CD163L1: variants seen among roughly 807,000 people sequenced by gnomAD.
The protein encoded by CD163L1 is scavenger receptor cysteine-rich type 1 protein M160.
CD163L1 carries 124 observed loss-of-function variants against 165.4 expected under a neutral mutation model. The ratio of observed to expected loss-of-function variants is 0.75; its 90% CI spans 0.65 to 0.87. The LOEUF (loss-of-function observed/expected upper bound fraction) is 0.87, where lower values mean the gene tolerates loss of function less well. CD163L1 is among the 40% of genes least tolerant of loss of function. The probability of loss-of-function intolerance (pLI) is 0.00; values close to 1 mark genes in which losing one functional copy is unlikely to be tolerated. For missense variants in CD163L1, 1,525 were observed against 1,799.9 expected (o/e 0.85, Z 2.76); for synonymous variants, 585 against 662.2 (o/e 0.88, Z 1.79).
chr12:7,331,531 C>A, the CD163L1 span, among the ~76,000 whole-genome samples: 1 of 152,236 alleles, frequency 6.6e-6, no homozygotes, highest in East Asian at 1.9e-4. Context: ...GGAGGCACCC[C>A]CCAGTAGGGG....
intron 2 of CD163L1, chr12:7,439,511 T>C: frequency 6.3e-7 from 1 of 1,581,482 alleles, no homozygotes; most frequent in Non-Finnish European, 8.5e-7. Context: ...TTCTCCTCTC[T>C]CTGCCTTAAT....
At chr12:7,324,882 A>G in the CD163L1 span, among the ~76,000 whole-genome samples, 1 of 151,924 alleles carries the variant, frequency 6.6e-6, no homozygotes, top group Non-Finnish European at 1.5e-5. Flanking sequence ...GTACTTAAGT[A>G]CAGCCACATC....
At chr12:7,365,649 A>T (rs1947000678) in intron 18 of CD163L1, among the ~76,000 whole-genome samples, 1 of 152,188 alleles carries the variant, frequency 6.6e-6, no homozygotes, top group Non-Finnish European at 1.5e-5. Flanking sequence ...AATGGCCAAT[A>T]TGTAAATAAA....
the CD163L1 span, among the ~76,000 whole-genome samples, chr12:7,337,822 T>C: frequency 6.6e-5 from 10 of 152,196 alleles, no homozygotes; most frequent in African/African-American, 9.7e-5. Context: ...ATTGGGTGTA[T>C]ACCCAAAGGA....
At chr12:7,436,606 T>C (rs1363928163) in intron 2 of CD163L1, among the ~76,000 whole-genome samples, 3 of 152,026 alleles carry the variant, frequency 2.0e-5, no homozygotes, top group African/African-American at 7.3e-5. Context: ...ACCCTACCTG[T>C]AAAAAATTTT....
intron 8 of CD163L1, among the ~76,000 whole-genome samples, chr12:7,393,355 T>A (rs1235873602): frequency 2.0e-5 from 3 of 152,132 alleles, no homozygotes; most frequent in Non-Finnish European, 4.4e-5. Flanking sequence ...AGAAAAGGCC[T>A]TAGACAAAAT....
chr12:7,374,755 C>T lies in CD163L1; in HGVS notation c.3096G>A (p.Glu1032=), dbSNP rs761412090. The T allele has an allele frequency of 6.2e-7, 1 of 1,613,514 alleles. No homozygotes were observed. The highest frequency in any genetic ancestry group is 1.1e-5 in the South Asian group (1 of 91,006). Residue 1032 remains glutamate, a splice_region_variant and synonymous_variant, in exon 13 of 20, where the codon GAG becomes GAA. Transcript: ENST00000313599. This position sits in a 1 kb window ranked among gnomAD's most constrained non-coding sequence, Gnocchi z 5.4. The part of the protein sequence containing the change: ...VPEGSALICL[E]DKRLRLVDGD... ...CATCCACTAGGCGGAGCCGTTTGTC[C>T]TCTTAGAGGAGAAAGTCCAGTTAAT...
rs369714590 is a variant in CD163L1, at chr12:7,390,728, T to C, written c.2050+5367A>G. On this transcript the variant is annotated intron_variant, in intron 8 of 19. Coordinates refer to ENST00000313599, the MANE Select transcript of CD163L1 (RefSeq NM_174941.6). ...TTCTTTAAAATATAATTTAATATCT[T>C]ATTCATTCATCTTAGAAAAGAATGT... Among the ~76,000 whole-genome samples, 8 of 152,324 alleles carry C rather than the reference T, an allele frequency of 5.3e-5. No individual in the cohort carries two copies. In the East Asian group the frequency reaches 1.3e-3, roughly 26 times the overall value.
the CD163L1 span, among the ~76,000 whole-genome samples, chr12:7,341,589 C>A: frequency 1.3e-5 from 2 of 152,152 alleles, no homozygotes; most frequent in African/African-American, 4.8e-5. Flanking sequence ...TTTCTGCTGT[C>A]TAAAATGTGT....
At chr12:7,409,423 C>T (rs74056478) in intron 4 of CD163L1, among the ~76,000 whole-genome samples, 2 of 151,964 alleles carry the variant, frequency 1.3e-5, no homozygotes, top group African/African-American at 4.8e-5. Context: ...GAGGGGACAG[C>T]GATGGTTTCA....
intron 6 of CD163L1, among the ~76,000 whole-genome samples, chr12:7,399,467 T>C (rs1157841722): frequency 5.3e-5 from 8 of 151,034 alleles, no homozygotes; most frequent in Non-Finnish European, 8.9e-5. Flanking sequence ...CTTTCCCTTC[T>C]TTCCTTCCTT....
At chr12:7,395,802 A>T (rs1442937540) in intron 8 of CD163L1, among the ~76,000 whole-genome samples, 1 of 152,122 alleles carries the variant, frequency 6.6e-6, no homozygotes, top group Non-Finnish European at 1.5e-5. Flanking sequence ...ATTTTTTCCT[A>T]AACTATTTGA....
At chr12:7,333,836 C>G in the CD163L1 span, among the ~76,000 whole-genome samples, 1 of 152,154 alleles carries the variant, frequency 6.6e-6, no homozygotes, top group Admixed American at 6.5e-5. Context: ...GAAATACAAA[C>G]TACCATCAGA....
chr12:7,335,802 A>C, the CD163L1 span, among the ~76,000 whole-genome samples: 1 of 152,298 alleles, frequency 6.6e-6, no homozygotes, highest in Non-Finnish European at 1.5e-5. Flanking sequence ...GAACTCAAAC[A>C]AATTTACAAG....
chr12:7,367,571 C>G (rs758330176), intron 17 of CD163L1: 27 of 328,138 alleles, frequency 8.2e-5, no homozygotes, highest in African/African-American at 5.2e-4. Context: ...TATGTGCTGG[C>G]CATTTTTCAT....
At chr12:7,424,233 A>G (rs1258948617) in intron 4 of CD163L1, among the ~76,000 whole-genome samples, 1 of 152,040 alleles carries the variant, frequency 6.6e-6, no homozygotes, top group Non-Finnish European at 1.5e-5. Flanking sequence ...AAACCACATT[A>G]GTATCTCAAT....
In CD163L1 at chr12:7,396,402, C is replaced by G. The variant is rs753209330; in HGVS notation, c.1743G>C (p.Trp581Cys). The change falls in exon 8 of 20, where the codon TGG becomes TGC. Residue 581 changes from tryptophan to cysteine, a missense_variant. Coordinates refer to ENST00000313599, the MANE Select transcript of CD163L1 (RefSeq NM_174941.6). ...TGCTGCCGCCCACCAGCCTCAGGCC[C>G]CATGTTGCATCACCTGCACCAAGAA... is the stretch of plus-strand genomic sequence containing the variant. Reference protein sequence around the residue: ...VIVTCSGDATWGLRLVGGSNR... With the variant: ...VIVTCSGDATCGLRLVGGSNR... 2 of 1,605,910 alleles carry G rather than the reference C, an allele frequency of 1.2e-6. No individual in the cohort carries two copies. The highest frequency in any genetic ancestry group is 1.3e-5 in the African/African-American group (1 of 74,778).
rs1947338863 is a variant in CD163L1 at position 7,379,311 on chromosome 12, A to G, written c.2051-13T>C. On this transcript the variant is annotated splice_polypyrimidine_tract_variant and intron_variant, in intron 8 of 19. Coordinates refer to ENST00000313599, the MANE Select transcript of CD163L1 (RefSeq NM_174941.6). Reference sequence around the variant, plus strand: ...ATATCCGATGCATCTGAAACCAAATACCACAATGATTTTAGAGAAGCACTC... The same window carrying G: ...ATATCCGATGCATCTGAAACCAAATGCCACAATGATTTTAGAGAAGCACTC... 6.2e-7 allele frequency: 1 copy of G among 1,611,262 alleles called. No individual in the cohort carries two copies. Among genetic ancestry groups the G allele is most frequent in the Non-Finnish European group, 8.5e-7 (1 of 1,177,986 alleles).
At chr12:7,441,588 TCTC>T (rs1565822606) in intron 1 of CD163L1, among the ~76,000 whole-genome samples, 1 of 152,240 alleles carries the variant, frequency 6.6e-6, no homozygotes, top group South Asian at 2.1e-4. Context: ...TCTTTGACCC[TCTC>T]CTCATTTTTA....
Sources: gnomAD v4.1 joint callset for allele counts (sites outside exome capture counted in the v4.1 genomes callset) on GRCh38, gnomAD v4.1.1 for gene constraint, Gnocchi (gnomAD v3.1) non-coding constraint, MANE v1.5 for transcripts, NCBI Gene and HGNC (gene_info 2026-07-23, HGNC 2026-07-21) for gene names.